The following RECQL variants were observed in gnomAD, a reference collection of about 807,000 sequenced individuals.
RECQL encodes RecQ like helicase, also known as ATP-dependent DNA helicase Q1.
RECQL carries 73 observed loss-of-function variants against 75.8 expected under a neutral mutation model. The ratio of observed to expected loss-of-function variants is 0.96; its 90% CI spans 0.80 to 1.17. The LOEUF (loss-of-function observed/expected upper bound fraction) is 1.17. Ranked by LOEUF, RECQL falls within the 50% of genes most tolerant of loss-of-function variation. The probability of loss-of-function intolerance (pLI) is 0.00; values close to 1 mark genes in which losing one functional copy is unlikely to be tolerated. For missense variants in RECQL, 699 were observed against 772.1 expected, an observed-to-expected ratio of 0.91 and a Z score of 1.12; for synonymous variants, 248 against 254.4, an observed-to-expected ratio of 0.97 and a Z score of 0.24.
intron 13 of RECQL, 71 bp from the exon 14 acceptor site, chr12:21,471,169 T>G (rs535305153): frequency 7.8e-5 from 108 of 1,388,454 alleles, no homozygotes; most frequent in African/African-American, 1.2e-4. Context: ...ATAAAAGAAA[T>G]AACTATATGC....
chr12:21,475,102 G>A, intron 10 of RECQL, 123 bp from the exon 11 acceptor site: 1 of 957,012 alleles, frequency 1.0e-6, no homozygotes, highest in Non-Finnish European at 1.5e-6. Flanking sequence ...TAGAGATGTG[G>A]AAGTTAATTT....
rs1049951762 is a variant in RECQL, at chr12:21,471,420, G to C, written c.1667+8C>G. On this transcript the variant is annotated splice_region_variant and intron_variant, in intron 13 of 14. Coordinates refer to ENST00000444129, the MANE Select transcript of RECQL (RefSeq NM_002907.4). Reference sequence around the variant, plus strand: ...ACCTGAAAGAATAATGAATGAGTTTGTACATACTTAAGATACTGCTGTATT... The same window carrying C: ...ACCTGAAAGAATAATGAATGAGTTTCTACATACTTAAGATACTGCTGTATT... The C allele has an allele frequency of 1.2e-6, 2 of 1,603,060 alleles. No individual in the cohort carries two copies. Among genetic ancestry groups the C allele is most frequent in the Non-Finnish European group, 1.7e-6 (2 of 1,172,240 alleles).
At chr12:21,488,419 A>C (rs1267593783) in intron 4 of RECQL, among the ~76,000 whole-genome samples, 3 of 152,086 alleles carry the variant, frequency 2.0e-5, no homozygotes, top group South Asian at 2.1e-4. Context: ...TGCTGCTCTG[A>C]AATTCATTCC....
intron 2 of RECQL, among the ~76,000 whole-genome samples, chr12:21,496,996 T>C (rs1035459226): frequency 5.3e-5 from 8 of 152,206 alleles, no homozygotes; most frequent in African/African-American, 1.9e-4. Context: ...ACAAAGATGA[T>C]AAGGATTTTA....
intron 4 of RECQL, 123 bp from the exon 5 acceptor site, chr12:21,486,708 T>C: frequency 3.7e-6 from 3 of 812,670 alleles, no homozygotes; most frequent in Non-Finnish European, 5.3e-6. Context: ...TCTCACTCTC[T>C]TGCCCAGGCT....
In RECQL at chr12:21,473,587, A is replaced by G. The variant is rs1443461662; in HGVS notation, c.1411T>C (p.Cys471Arg). The G allele has an allele frequency of 1.2e-6, 2 of 1,612,942 alleles. No homozygotes were observed. Among genetic ancestry groups the G allele is most frequent in the Non-Finnish European group, 8.5e-7 (1 of 1,179,264 alleles). Residue 471 changes from cysteine (C) to arginine (R), a missense_variant, in exon 12 of 15, where the codon TGT becomes CGT. Coordinates refer to ENST00000444129, the MANE Select transcript of RECQL (RefSeq NM_002907.4). ...HFDEVWNSEA[C>R]NKMCDNCCKD... ...CAGCAGTTATCGCACATTTTGTTAC[A>G]TGCTTCTGAGTTCCATACTTCATCA...
chr12:21,475,666 T>G lies in RECQL; in HGVS notation c.1098+10A>C. 4 of 1,613,056 alleles carry G rather than the reference T, an allele frequency of 2.5e-6. No homozygotes were observed. The South Asian group carries it at 4.4e-5, about 18-fold the overall frequency. ...GTAAATTAGGCTTCTATGGAAGATA[T>G]AGACCTAACCTGAATTTCATTGGCT... On this transcript the variant is annotated intron_variant, in intron 9 of 14. Transcript: ENST00000444129.
intron 4 of RECQL, 100 bp downstream of exon 4, chr12:21,490,099 T>C: frequency 1.7e-6 from 1 of 580,260 alleles, no homozygotes; most frequent in African/African-American, 1.9e-5. Context: ...ATGCACTTGA[T>C]TTTTATATAT....
At chr12:21,479,472 C>G (rs560527706) in intron 6 of RECQL, among the ~76,000 whole-genome samples, 1 of 151,634 alleles carries the variant, frequency 6.6e-6, no homozygotes, top group African/African-American at 2.4e-5. Flanking sequence ...CCCGCCTTAG[C>G]CTTTCGAGTA....
rs773756694 is a variant in RECQL, at chr12:21,471,674, G to T, written c.1448-27C>A. On this transcript the variant is annotated intron_variant, in intron 12 of 14. Transcript: ENST00000444129. ...TGTAATAAAACAAATATGGTAGCAG[G>T]TAATTAGGATTTAGAAATGAGGGCA... The T allele has an allele frequency of 2.5e-6, 4 of 1,572,904 alleles. No homozygotes were observed. In the South Asian group the frequency reaches 4.4e-5, roughly 17 times the overall value.
chr12:21,479,560 C>T (rs1423605380), intron 6 of RECQL, among the ~76,000 whole-genome samples: 3 of 152,000 alleles, frequency 2.0e-5, no homozygotes, highest in African/African-American at 7.2e-5. Context: ...ACCACGTTGG[C>T]CAGGCTGGTC....
At position 21,491,446 on chromosome 12, in the gene RECQL, T is replaced by A. The variant is rs1943409960; in HGVS notation, c.214+73A>T. 6.4e-6 allele frequency: 9 copies of A among 1,404,892 alleles called. No homozygotes were observed. In the South Asian group the frequency reaches 1.3e-4, roughly 20 times the overall value. 87.0% of individuals were successfully genotyped at this position (1,404,892 alleles called of 1,614,324 possible). On this transcript the variant is annotated intron_variant, in intron 3 of 14. Coordinates refer to ENST00000444129, the MANE Select transcript of RECQL (RefSeq NM_002907.4). ...AAGCCTACTGGAAAGCACTGTCCCA[T>A]CAAGAATTCATTCTAGTTTTTTAAA... is the stretch of plus-strand genomic sequence containing the variant.
chr12:21,472,573 C>A (rs1344379853), intron 12 of RECQL, among the ~76,000 whole-genome samples: 1 of 152,042 alleles, frequency 6.6e-6, no homozygotes, highest in Non-Finnish European at 1.5e-5. Flanking sequence ...AATTTTCGGG[C>A]ATTGTCACGG....
chr12:21,471,995 A>G (rs931140251), intron 12 of RECQL, among the ~76,000 whole-genome samples: 1 of 152,128 alleles, frequency 6.6e-6, no homozygotes, highest in African/African-American at 2.4e-5. Flanking sequence ...GTTCTAGTAT[A>G]GGCTCCTGAG....
chr12:21,499,740 T>G, intron 1 of RECQL, 125 bp from the exon 2 acceptor site: 1 of 520,134 alleles, frequency 1.9e-6, no homozygotes, highest in East Asian at 3.3e-5. Context: ...TATATTGCAG[T>G]GACCTTTCAA....
At chr12:21,495,521 G>A (rs78821072) in intron 2 of RECQL, among the ~76,000 whole-genome samples, 3,839 of 152,136 alleles carry the variant, frequency 0.025, 146 homozygotes, top group East Asian at 0.2. Flanking sequence ...GTGTGAACCC[G>A]GGAGCGGAGC....
At chr12:21,483,704 T>TA in intron 5 of RECQL, 130 bp from the exon 6 acceptor site, 1 of 658,508 alleles carries the variant, frequency 1.5e-6, no homozygotes, top group Non-Finnish European at 2.5e-6. Flanking sequence ...AGCAGATGTT[T>TA]AGTTCATTAA....
intron 10 of RECQL, 69 bp from the exon 11 acceptor site, chr12:21,475,048 T>G: frequency 1.3e-6 from 2 of 1,503,838 alleles, no homozygotes; most frequent in Non-Finnish European, 1.8e-6. Flanking sequence ...AAATGACATA[T>G]GGTAAAATTA....
chr12:21,479,870 A>G (rs985045942), intron 6 of RECQL, among the ~76,000 whole-genome samples: 4 of 152,220 alleles, frequency 2.6e-5, no homozygotes, highest in Admixed American at 2.6e-4. Flanking sequence ...CCTAGTGACT[A>G]CTGGGATATG....
Sources: gnomAD v4.1 joint callset for allele counts (sites outside exome capture counted in the v4.1 genomes callset) on GRCh38, gnomAD v4.1.1 for gene constraint, MANE v1.5 for transcripts, NCBI Gene and HGNC (gene_info 2026-07-23, HGNC 2026-07-21) for gene names.